Variants in UBE4B observed in about 807,000 individuals in gnomAD.
The protein encoded by UBE4B is ubiquitination factor E4B.
In UBE4B, 27 loss-of-function variants were observed where a neutral mutation model predicts 148.1. The ratio of observed to expected loss-of-function variants is 0.18; its 90% CI spans 0.13 to 0.25. The LOEUF (loss-of-function observed/expected upper bound fraction) is 0.25, where lower values mean the gene tolerates loss of function less well. UBE4B is among the 10% of genes least tolerant of loss of function. The pLI is 1.00. For synonymous variants in UBE4B, 596 were observed against 619.3 expected (o/e 0.96, Z 0.56); for missense variants, 1,170 against 1,662.4 (o/e 0.70, Z 5.15).
chr1:10,125,512 A>G (rs1199869805), intron 10 of UBE4B, among the ~76,000 whole-genome samples: 2 of 152,248 alleles, frequency 1.3e-5, no homozygotes, highest in Non-Finnish European at 2.9e-5. Context: ...CCTGTGTTTT[A>G]TACTGTGCTC....
In UBE4B at chr1:10,096,261, G is replaced by A. The variant is rs185332003; in HGVS notation, c.347+665G>A. ...GCCAAATAAATACCCTATTTGCTTCGTACGGATCAAGGTGTCTTGAAAGAG... is the reference window on the plus strand; with the variant it reads ...GCCAAATAAATACCCTATTTGCTTCATACGGATCAAGGTGTCTTGAAAGAG... On this transcript the variant is annotated intron_variant, in intron 3 of 27. Transcript: ENST00000343090. Among the ~76,000 whole-genome samples, 135 of 152,104 alleles carry A rather than the reference G, an allele frequency of 8.9e-4. 1 individual carries two copies. The South Asian group carries it at 0.011, about 12-fold the overall frequency.
chr1:10,135,881 T>G (rs2101954511), intron 16 of UBE4B, among the ~76,000 whole-genome samples: 1 of 152,280 alleles, frequency 6.6e-6, no homozygotes, highest in Non-Finnish European at 1.5e-5. Context: ...TTAACCTATC[T>G]GAAGTGAATT....
intron 21 of UBE4B, among the ~76,000 whole-genome samples, chr1:10,152,585 A>G (rs1160751117): frequency 1.3e-5 from 2 of 151,498 alleles, no homozygotes; most frequent in East Asian, 3.9e-4. Context: ...ATCACCTGAG[A>G]TCAGGAATTT....
At chr1:10,114,652 T>C (rs1028657508) in intron 7 of UBE4B, among the ~76,000 whole-genome samples, 2 of 152,086 alleles carry the variant, frequency 1.3e-5, no homozygotes, top group Non-Finnish European at 2.9e-5. Flanking sequence ...TCATTTGAGG[T>C]CAGGAGTTTG....
At chr1:10,170,854 T>C (rs748605410) in intron 24 of UBE4B, 14 of 245,084 alleles carry the variant, frequency 5.7e-5, no homozygotes, top group Non-Finnish European at 1.1e-4. Context: ...CTTTTTTTAA[T>C]TAAAAGCATA....
At chr1:10,173,576 G>A (rs1646370549) in intron 25 of UBE4B, among the ~76,000 whole-genome samples, 1 of 151,940 alleles carries the variant, frequency 6.6e-6, no homozygotes, top group Admixed American at 6.6e-5. Flanking sequence ...TTTAGAAACA[G>A]AAAGCAAGTC....
chr1:10,140,371 A>G (rs947848587), intron 17 of UBE4B, among the ~76,000 whole-genome samples: 1 of 152,178 alleles, frequency 6.6e-6, no homozygotes, highest in Non-Finnish European at 1.5e-5. Context: ...AATTTACTTT[A>G]TAGCCTTTTA....
intron 15 of UBE4B, among the ~76,000 whole-genome samples, chr1:10,133,212 T>G (rs191408723): frequency 0.016 from 2,478 of 152,226 alleles, 59 homozygotes; most frequent in African/African-American, 0.055. Context: ...TAGTAATAAA[T>G]AATGAATGAA....
chr1:10,148,219 C>G (rs1464572496), intron 19 of UBE4B, among the ~76,000 whole-genome samples: 6 of 148,786 alleles, frequency 4.0e-5, no homozygotes, highest in Admixed American at 3.3e-4. Context: ...GAGCAAGACT[C>G]CATCTCAAAA....
At chr1:10,043,492 T>C (rs1226684527) in intron 1 of UBE4B, among the ~76,000 whole-genome samples, 5 of 146,038 alleles carry the variant, frequency 3.4e-5, no homozygotes, top group Non-Finnish European at 4.5e-5. Flanking sequence ...AGTGGCGCGA[T>C]CTCGGCTCAC....
At chr1:10,053,491 G>A (rs770803856) in intron 1 of UBE4B, among the ~76,000 whole-genome samples, 8 of 151,814 alleles carry the variant, frequency 5.3e-5, no homozygotes, top group Non-Finnish European at 8.8e-5. Flanking sequence ...AATTTTGCTC[G>A]TCGCCCAGGC....
At chr1:10,084,764 C>G (rs978373576) in intron 2 of UBE4B, among the ~76,000 whole-genome samples, 2 of 150,088 alleles carry the variant, frequency 1.3e-5, no homozygotes, top group African/African-American at 4.9e-5. Context: ...GTGGTGCGAT[C>G]TTGGCTCACT....
chr1:10,129,813 G>A (rs1645562855), intron 12 of UBE4B, among the ~76,000 whole-genome samples: 1 of 151,898 alleles, frequency 6.6e-6, no homozygotes, highest in Non-Finnish European at 1.5e-5. Context: ...ACCATGCGAG[G>A]CTAATTTTTT....
Position 10,144,920 on chromosome 1 carries a change from C to T in UBE4B, c.2364-20C>T. 6.3e-7 allele frequency: 1 copy of T among 1,580,810 alleles called. No homozygotes were observed. Among genetic ancestry groups the T allele is most frequent in the Non-Finnish European group, 8.7e-7 (1 of 1,152,240 alleles). Reference sequence around the variant, plus strand: ...GATCCGGCTGTTTTCTTTCATTTGACTGTTAGTCTTTGATTTCAGAACTGT... The same window carrying T: ...GATCCGGCTGTTTTCTTTCATTTGATTGTTAGTCTTTGATTTCAGAACTGT... On this transcript the variant is annotated intron_variant, in intron 17 of 27. Transcript: ENST00000343090.
At chr1:10,113,115 A>G (rs896189602) in intron 7 of UBE4B, among the ~76,000 whole-genome samples, 2 of 152,212 alleles carry the variant, frequency 1.3e-5, no homozygotes, top group Non-Finnish European at 2.9e-5. Flanking sequence ...TGACACCAGC[A>G]TCTGCTTCTT....
chr1:10,165,843 TGTCTGTCTGG>T (rs1486666858), intron 23 of UBE4B, among the ~76,000 whole-genome samples: 1 of 152,164 alleles, frequency 6.6e-6, no homozygotes, highest in Non-Finnish European at 1.5e-5. Context: ...ACTTACTGTG[TGTCTGTCTGG>T]GTATTTGTTT....
rs769460298 is a variant in UBE4B at position 10,117,552 on chromosome 1, C to T, written c.1290C>T (p.Leu430=). 8 of 1,609,752 alleles carry T rather than the reference C, an allele frequency of 5.0e-6. No individual in the cohort carries two copies. Among genetic ancestry groups the T allele is most frequent in the Non-Finnish European group, 6.8e-6 (8 of 1,178,786 alleles). ...AAGAGACAGATATGCTGAACTACCT[C>T]ATCGAGTGTTTCGACCGAGTTGGAA... is the stretch of plus-strand genomic sequence containing the variant. ...TCKETDMLNY[L]IECFDRVGIE... The change falls in exon 8 of 28, where the codon CTC becomes CTT. Residue 430 remains leucine (L), a synonymous_variant. Transcript: ENST00000343090.
intron 13 of UBE4B, 42 bp downstream of exon 13, chr1:10,130,658 A>G (rs765627203): frequency 2.5e-6 from 4 of 1,612,698 alleles, no homozygotes; most frequent in Middle Eastern, 1.7e-4. Context: ...CCTTTTATTC[A>G]GATTCTTTCC....
At chr1:10,050,400 G>A (rs1244476392) in intron 1 of UBE4B, among the ~76,000 whole-genome samples, 1 of 152,146 alleles carries the variant, frequency 6.6e-6, no homozygotes, top group Admixed American at 6.6e-5. Flanking sequence ...GATATATCAG[G>A]CATAGCCAAA....
Sources: gnomAD v4.1 joint callset for allele counts (sites outside exome capture counted in the v4.1 genomes callset) on GRCh38, gnomAD v4.1.1 for gene constraint, MANE v1.5 for transcripts, NCBI Gene and HGNC (gene_info 2026-07-23, HGNC 2026-07-21) for gene names.